The following RICTOR variants were observed in gnomAD, a reference collection of about 807,000 sequenced individuals.
RICTOR encodes rapamycin-insensitive companion of mTOR.
A neutral mutation model predicts 214.9 loss-of-function variants in RICTOR; 49 were observed. The observed-to-expected ratio is 0.23, with a 90% CI of 0.18 to 0.29. The LOEUF (loss-of-function observed/expected upper bound fraction) is 0.29. Among genes scored for constraint, RICTOR ranks in the 10% least tolerant of loss-of-function variants. The pLI, the probability that RICTOR is intolerant of heterozygous loss-of-function variation, is 1.00. For missense variants in RICTOR, 1,625 were observed against 2,047.0 expected (o/e 0.79, Z 3.98); for synonymous variants, 717 against 711.3 (o/e 1.01, Z -0.13).
At chr5:38,965,632 C>A (rs1408561384) in intron 15 of RICTOR, among the ~76,000 whole-genome samples, 1 of 151,886 alleles carries the variant, frequency 6.6e-6, no homozygotes, top group African/African-American at 2.4e-5. Context: ...GACAAATAAT[C>A]AGACCTGAAA....
intron 2 of RICTOR, among the ~76,000 whole-genome samples, chr5:39,027,060 T>C (rs1458913363): frequency 6.6e-6 from 1 of 151,932 alleles, no homozygotes; most frequent in Non-Finnish European, 1.5e-5. Flanking sequence ...CTGAGCATTA[T>C]TAAGAAAAAC....
chr5:38,991,953 C>A (rs936760635), intron 6 of RICTOR, among the ~76,000 whole-genome samples: 2 of 151,982 alleles, frequency 1.3e-5, no homozygotes, highest in Non-Finnish European at 2.9e-5. Flanking sequence ...CCAGATATTA[C>A]TAGATTTATT....
chr5:39,050,087 T>C (rs1757742030), intron 2 of RICTOR, among the ~76,000 whole-genome samples: 1 of 151,926 alleles, frequency 6.6e-6, no homozygotes, highest in South Asian at 2.1e-4. Flanking sequence ...TTATTCAAGA[T>C]GTTTGAAAGA....
At chr5:39,010,280 G>A (rs914666430) in intron 3 of RICTOR, among the ~76,000 whole-genome samples, 4 of 152,098 alleles carry the variant, frequency 2.6e-5, no homozygotes, top group Admixed American at 2.0e-4. Flanking sequence ...TTCCCCTTCC[G>A]CCATGATTGT....
intron 7 of RICTOR, among the ~76,000 whole-genome samples, chr5:38,984,399 A>AC (rs1273441292): frequency 6.6e-6 from 1 of 151,874 alleles, no homozygotes; most frequent in African/African-American, 2.4e-5. Context: ...CATGAAATGG[A>AC]TTTTTTTTCT....
At chr5:38,990,660 A>G (rs1333445185) in intron 7 of RICTOR, among the ~76,000 whole-genome samples, 1 of 141,982 alleles carries the variant, frequency 7.0e-6, no homozygotes, top group African/African-American at 2.6e-5. Flanking sequence ...TATATGATAT[A>G]TATCAGATAT....
intron 10 of RICTOR, among the ~76,000 whole-genome samples, chr5:38,972,360 T>C (rs1750857326): frequency 6.6e-6 from 1 of 152,196 alleles, no homozygotes; most frequent in African/African-American, 2.4e-5. Flanking sequence ...TTCTAAAATA[T>C]ACTGAATGCA....
chr5:38,990,686 T>TATATGAG (rs1752615526), intron 7 of RICTOR, among the ~76,000 whole-genome samples: 1 of 26,178 alleles, frequency 3.8e-5, no homozygotes, highest in Admixed American at 5.1e-4. Flanking sequence ...AGATATATCA[T>TATATGAG]ATATATGATA....
intron 2 of RICTOR, among the ~76,000 whole-genome samples, chr5:39,069,001 T>C (rs1224020252): frequency 1.3e-5 from 2 of 152,204 alleles, no homozygotes; most frequent in African/African-American, 4.8e-5. Context: ...TTCTCAACTG[T>C]AAAACAGAGA....
intron 10 of RICTOR, among the ~76,000 whole-genome samples, chr5:38,974,751 C>T (rs1751067393): frequency 6.6e-6 from 1 of 152,134 alleles, no homozygotes; most frequent in Non-Finnish European, 1.5e-5. Context: ...AGAGAAAATC[C>T]CTGGAAACAT....
intron 3 of RICTOR, among the ~76,000 whole-genome samples, chr5:39,013,086 T>C (rs1370717898): frequency 6.6e-6 from 1 of 152,180 alleles, no homozygotes; most frequent in Non-Finnish European, 1.5e-5. Flanking sequence ...TTGTCTTGTC[T>C]GAAATTAGGA....
Position 38,962,882 on chromosome 5 carries a change from G to C in RICTOR, c.1560C>G (p.Ile520Met), listed in dbSNP as rs2150023753. ...QYLRVQKDIF[I>M]LKDTEEALLI... ...CATGATTTCATGTCAGCACCTTAAG[G>C]ATAAATATATCTTTCTGAACTCGGA... The change falls in exon 17 of 38, where the codon ATC becomes ATG. Residue 520 changes from isoleucine (I) to methionine (M), a missense_variant. Coordinates refer to ENST00000357387, the MANE Select transcript of RICTOR (RefSeq NM_152756.5). The C allele has an allele frequency of 6.2e-7, 1 of 1,611,242 alleles. No individual in the cohort carries two copies. Among genetic ancestry groups the C allele is most frequent in the South Asian group, 1.1e-5 (1 of 90,976 alleles).
At chr5:39,001,338 A>ACTT (rs1753601942) in intron 5 of RICTOR, among the ~76,000 whole-genome samples, 1 of 152,122 alleles carries the variant, frequency 6.6e-6, no homozygotes, top group Non-Finnish European at 1.5e-5. Flanking sequence ...TGAAACGAAA[A>ACTT]TATTTTCAAT....
chr5:39,042,728 T>C (rs1461414218), intron 2 of RICTOR, among the ~76,000 whole-genome samples: 1 of 152,220 alleles, frequency 6.6e-6, no homozygotes, highest in Non-Finnish European at 1.5e-5. Context: ...CCTAAAACAA[T>C]GGTTGGCAAA....
At chr5:38,976,960 A>C (rs1304860952) in intron 9 of RICTOR, among the ~76,000 whole-genome samples, 1 of 152,214 alleles carries the variant, frequency 6.6e-6, no homozygotes, top group African/African-American at 2.4e-5. Flanking sequence ...GACTATGTTT[A>C]TGTTATATTG....
intron 11 of RICTOR, 107 bp from the exon 12 acceptor site, chr5:38,968,137 C>T: frequency 1.5e-6 from 1 of 662,638 alleles, no homozygotes; most frequent in East Asian, 2.7e-5. Context: ...ACTATTAATA[C>T]AATGACATGT....
At chr5:39,039,702 A>G (rs113830299) in intron 2 of RICTOR, among the ~76,000 whole-genome samples, 1 of 152,234 alleles carries the variant, frequency 6.6e-6, no homozygotes, top group African/African-American at 2.4e-5. Context: ...TGCAGCCAAA[A>G]AACACATGAA....
chr5:39,001,951 G>A (rs1345274863), intron 5 of RICTOR, among the ~76,000 whole-genome samples: 1 of 152,038 alleles, frequency 6.6e-6, no homozygotes, highest in Non-Finnish European at 1.5e-5. Context: ...ATCTACTAAA[G>A]CTAAACATAC....
intron 2 of RICTOR, among the ~76,000 whole-genome samples, chr5:39,062,630 T>A (rs558803149): frequency 6.6e-6 from 1 of 152,270 alleles, no homozygotes; most frequent in South Asian, 2.1e-4. Flanking sequence ...TGTGCACACA[T>A]CTAAAACAGC....
Sources: gnomAD v4.1 joint callset for allele counts (sites outside exome capture counted in the v4.1 genomes callset) on GRCh38, gnomAD v4.1.1 for gene constraint, MANE v1.5 for transcripts, NCBI Gene and HGNC (gene_info 2026-07-23, HGNC 2026-07-21) for gene names.